The following BMPER variants were observed in gnomAD, a reference collection of about 807,000 sequenced individuals.
The protein encoded by BMPER is BMP binding endothelial regulator.
In BMPER, 45 loss-of-function variants were observed where a neutral mutation model predicts 87.3. The observed-to-expected ratio is 0.52, with a 90% confidence interval of 0.41 to 0.66. BMPER has a LOEUF of 0.66. Among genes scored for constraint, BMPER ranks in the 30% least tolerant of loss-of-function variants. BMPER has a pLI of 0.00. For missense variants in BMPER, 784 were observed against 867.5 expected, an observed-to-expected ratio of 0.90 and a Z score of 1.21; for synonymous variants, 326 against 316.2, an observed-to-expected ratio of 1.03 and a Z score of -0.33.
chr7:33,947,226 C>T (rs1784911897), intron 3 of BMPER, among the ~76,000 whole-genome samples: 1 of 152,080 alleles, frequency 6.6e-6, no homozygotes, highest in Non-Finnish European at 1.5e-5. Flanking sequence ...GAAAATCACC[C>T]TTTAATGTAG....
chr7:33,990,997 G>A (rs1308905366), intron 6 of BMPER, among the ~76,000 whole-genome samples: 4 of 137,500 alleles, frequency 2.9e-5, no homozygotes, highest in East Asian at 4.0e-4. Flanking sequence ...GCTTTTTGAT[G>A]TGCTGCTGGA....
At chr7:34,009,421 T>C (rs570870956) in intron 6 of BMPER, among the ~76,000 whole-genome samples, 1 of 152,058 alleles carries the variant, frequency 6.6e-6, no homozygotes, top group Non-Finnish European at 1.5e-5. Flanking sequence ...GAGGACTTGC[T>C]TTTGGGGAAG....
At chr7:33,983,867 A>T (rs1036487953) in intron 6 of BMPER, among the ~76,000 whole-genome samples, 1 of 152,188 alleles carries the variant, frequency 6.6e-6, no homozygotes, top group Non-Finnish European at 1.5e-5. Context: ...AAAAAAACCC[A>T]AATCTGGTAC....
intron 13 of BMPER, among the ~76,000 whole-genome samples, chr7:34,095,938 T>C (rs929588646): frequency 2.6e-5 from 4 of 151,694 alleles, no homozygotes; most frequent in African/African-American, 9.8e-5. Flanking sequence ...TTTTTTTTTT[T>C]CATTATGAAA....
chr7:33,991,111 C>A (rs1786203039), intron 6 of BMPER, among the ~76,000 whole-genome samples: 1 of 146,764 alleles, frequency 6.8e-6, no homozygotes. Context: ...GCTTTGGTAT[C>A]AGAATGATGC....
chr7:34,055,450 A>AC, intron 9 of BMPER, 147 bp downstream of exon 9: 5 of 994,878 alleles, frequency 5.0e-6, no homozygotes, highest in Middle Eastern at 6.3e-4. Context: ...GAATGTATTT[A>AC]TATTACAGTA....
At chr7:34,052,741 C>T (rs1788179051) in intron 8 of BMPER, among the ~76,000 whole-genome samples, 1 of 151,644 alleles carries the variant, frequency 6.6e-6, no homozygotes, top group South Asian at 2.1e-4. Context: ...TACTCAATAT[C>T]AGCTATGAGT....
chr7:33,954,978 ACCTCCGCCT>A (rs1785116026), intron 3 of BMPER, among the ~76,000 whole-genome samples: 1 of 151,740 alleles, frequency 6.6e-6, no homozygotes, highest in Admixed American at 6.6e-5. Context: ...GCTTACCACA[ACCTCCGCCT>A]GCCGGGTTCA....
At chr7:34,077,926 T>TA (rs1788908435) in intron 11 of BMPER, among the ~76,000 whole-genome samples, 1 of 152,170 alleles carries the variant, frequency 6.6e-6, no homozygotes, top group African/African-American at 2.4e-5. Context: ...ATTTTTTTTT[T>TA]AATTATTTGG....
chr7:33,991,457 G>A (rs545312055), intron 6 of BMPER, among the ~76,000 whole-genome samples: 2 of 152,076 alleles, frequency 1.3e-5, no homozygotes, highest in African/African-American at 2.4e-5. Flanking sequence ...GGGATCGGTG[G>A]TGATATCCCC....
intron 6 of BMPER, among the ~76,000 whole-genome samples, chr7:34,017,269 C>T (rs926178966): frequency 1.3e-5 from 2 of 151,714 alleles, no homozygotes; most frequent in Non-Finnish European, 1.5e-5. Context: ...TTATGAATCA[C>T]GATGCTAATA....
chr7:34,047,194 C>A (rs1347270097), intron 7 of BMPER, among the ~76,000 whole-genome samples: 1 of 152,132 alleles, frequency 6.6e-6, no homozygotes, highest in African/African-American at 2.4e-5. Flanking sequence ...TGAAAGGGGA[C>A]AACTCATGAT....
intron 6 of BMPER, among the ~76,000 whole-genome samples, chr7:33,981,718 C>T (rs1039677196): frequency 1.3e-5 from 2 of 152,282 alleles, no homozygotes; most frequent in South Asian, 2.1e-4. Flanking sequence ...CTACTTTCCC[C>T]ACCCACACCA....
At chr7:33,919,125 CA>C (rs945247700) in intron 2 of BMPER, among the ~76,000 whole-genome samples, 9 of 151,614 alleles carry the variant, frequency 5.9e-5, no homozygotes, top group African/African-American at 1.2e-4. Context: ...TGACCAAGGG[CA>C]AAAAAAATTT....
intron 13 of BMPER, among the ~76,000 whole-genome samples, chr7:34,124,523 C>A (rs1348820368): frequency 6.6e-6 from 1 of 151,230 alleles, no homozygotes; most frequent in Non-Finnish European, 1.5e-5. Context: ...ATGTCTTAAG[C>A]AGTTATTGAT....
At chr7:34,016,806 T>C (rs556830751) in intron 6 of BMPER, among the ~76,000 whole-genome samples, 1 of 152,062 alleles carries the variant, frequency 6.6e-6, no homozygotes, top group South Asian at 2.1e-4. Flanking sequence ...AAAAACCTTT[T>C]TTTTGTGGGG....
intron 6 of BMPER, among the ~76,000 whole-genome samples, chr7:33,992,846 G>C (rs916106490): frequency 2.3e-5 from 3 of 133,078 alleles, no homozygotes; most frequent in Non-Finnish European, 4.9e-5. Context: ...TTGCTTGTCT[G>C]TAAAGGATTT....
intron 6 of BMPER, among the ~76,000 whole-genome samples, chr7:33,976,169 T>G (rs1304425037): frequency 2.0e-5 from 3 of 152,316 alleles, no homozygotes; most frequent in African/African-American, 7.2e-5. Flanking sequence ...TTTTTATTTT[T>G]TGAGACAGAG....
chr7:33,906,858 G>C lies in BMPER; in HGVS notation c.174G>C (p.Gln58His), dbSNP rs746034041. 5.6e-6 allele frequency: 9 copies of C among 1,613,784 alleles called. No individual in the cohort carries two copies. The highest frequency in any genetic ancestry group is 1.3e-5 in the African/African-American group (1 of 74,896). The change falls in exon 2 of 15, where the codon CAG becomes CAC. Residue 58 changes from glutamine (Q) to histidine (H), a missense_variant. Gln to His is a conservative substitution (Grantham distance 24). Transcript: ENST00000649409. ...AKCENEGEVL[Q>H]IPFITDNPCI... Reference sequence around the variant, plus strand: ...GTGAAAATGAAGGTGAAGTCCTCCAGATTCCATTTATCACAGACAACCCTT... The same window carrying C: ...GTGAAAATGAAGGTGAAGTCCTCCACATTCCATTTATCACAGACAACCCTT...
Sources: gnomAD v4.1 joint callset for allele counts (sites outside exome capture counted in the v4.1 genomes callset) on GRCh38, gnomAD v4.1.1 for gene constraint, MANE v1.5 for transcripts, NCBI Gene and HGNC (gene_info 2026-07-23, HGNC 2026-07-21) for gene names.